SYT1: variants seen among roughly 807,000 people sequenced by gnomAD.
SYT1 encodes the protein synaptotagmin 1.
In SYT1, 8 loss-of-function variants were observed where a neutral mutation model predicts 44.8. The observed-to-expected ratio is 0.18, with a 90% CI of 0.10 to 0.32. SYT1 has a LOEUF of 0.32. SYT1 is among the 10% of genes least tolerant of loss of function. The pLI is 1.00. For synonymous variants in SYT1, 154 were observed against 188.8 expected, an observed-to-expected ratio of 0.82 and a Z score of 1.51; for missense variants, 286 against 509.3, an observed-to-expected ratio of 0.56 and a Z score of 4.22.
At chr12:79,112,347 T>G (rs569902029) in intron 3 of SYT1, among the ~76,000 whole-genome samples, 284 of 152,192 alleles carry the variant, frequency 1.9e-3, no homozygotes, top group African/African-American at 6.6e-3. Context: ...TGGGGCATGT[T>G]TTGGAGAGAG....
intron 2 of SYT1, among the ~76,000 whole-genome samples, chr12:79,042,165 T>C (rs1365546401): frequency 6.6e-6 from 1 of 151,630 alleles, no homozygotes; most frequent in Non-Finnish European, 1.5e-5. Flanking sequence ...GGATTCCCTC[T>C]TTTTCTATTG....
chr12:78,876,723 TATA>T (rs1333466741), intron 1 of SYT1, among the ~76,000 whole-genome samples: 2 of 113,600 alleles, frequency 1.8e-5, no homozygotes, highest in South Asian at 2.4e-4. Context: ...TATTATATAA[TATA>T]ATTATATATT....
intron 9 of SYT1, among the ~76,000 whole-genome samples, chr12:79,396,065 TTATC>T (rs1565940915): frequency 6.6e-6 from 1 of 152,146 alleles, no homozygotes; most frequent in Admixed American, 6.6e-5. Context: ...ACATACAAAA[TTATC>T]TATAACCATT....
intron 2 of SYT1, among the ~76,000 whole-genome samples, chr12:79,021,809 A>T (rs1395234180): frequency 6.6e-6 from 1 of 151,884 alleles, no homozygotes; most frequent in African/African-American, 2.4e-5. Context: ...GATTTTTCAA[A>T]GAATTGAATT....
chr12:79,078,706 C>A (rs565155837), intron 3 of SYT1, among the ~76,000 whole-genome samples: 7 of 152,152 alleles, frequency 4.6e-5, no homozygotes, highest in South Asian at 4.2e-4. Context: ...CTACCCACCC[C>A]CAAAAGGCCC....
intron 4 of SYT1, among the ~76,000 whole-genome samples, chr12:79,237,763 C>A (rs1006793844): frequency 6.6e-6 from 1 of 152,178 alleles, no homozygotes; most frequent in African/African-American, 2.4e-5. Flanking sequence ...CATCACCATT[C>A]CCATCATTTT....
At chr12:79,179,386 CGA>C (rs372752992) in intron 3 of SYT1, among the ~76,000 whole-genome samples, 1 of 59,394 alleles carries the variant, frequency 1.7e-5, no homozygotes, top group African/African-American at 5.4e-5. Context: ...ATAGATATAT[CGA>C]TATAGATATC....
intron 1 of SYT1, among the ~76,000 whole-genome samples, chr12:78,929,407 CCCAAAAAAAAAAAAAAAAAAAAAAAA>C (rs1877497999): frequency 6.8e-5 from 1 of 14,662 alleles, no homozygotes; most frequent in Admixed American, 8.8e-4. Flanking sequence ...GAGACTCCGT[CCCAAAAAAAAAAAAAAAAAAAAAAAA>C]AAAAAAAAAA....
chr12:79,099,379 A>G (rs373890191), intron 3 of SYT1, among the ~76,000 whole-genome samples: 1 of 152,166 alleles, frequency 6.6e-6, no homozygotes, highest in East Asian at 1.9e-4. Context: ...AAACAATGCA[A>G]TTTGGAATAA....
At chr12:79,137,183 C>T (rs1224148491) in intron 3 of SYT1, among the ~76,000 whole-genome samples, 1 of 152,088 alleles carries the variant, frequency 6.6e-6, no homozygotes, top group African/African-American at 2.4e-5. Context: ...GCAACCTCCA[C>T]CTCCCTGGTT....
chr12:79,190,210 A>G (rs1873030763), intron 3 of SYT1, among the ~76,000 whole-genome samples: 1 of 152,248 alleles, frequency 6.6e-6, no homozygotes, highest in South Asian at 2.1e-4. Flanking sequence ...AACATGATGC[A>G]TATATATTTT....
chr12:78,924,113 A>C (rs772168805), intron 1 of SYT1, among the ~76,000 whole-genome samples: 1 of 151,874 alleles, frequency 6.6e-6, no homozygotes, highest in African/African-American at 2.4e-5. Flanking sequence ...GATGAAATTT[A>C]TTCTATGCAC....
chr12:79,365,816 T>C (rs1419428170), intron 9 of SYT1, among the ~76,000 whole-genome samples: 1 of 112,900 alleles, frequency 8.9e-6, no homozygotes, highest in African/African-American at 4.5e-5. Flanking sequence ...CAGCCTAGAC[T>C]GATTGCAAAG....
chr12:79,416,544 C>T (rs1868752436), intron 9 of SYT1, among the ~76,000 whole-genome samples: 1 of 152,020 alleles, frequency 6.6e-6, no homozygotes, highest in South Asian at 2.1e-4. Context: ...AAATATGACT[C>T]AGAAAAATGC....
intron 3 of SYT1, among the ~76,000 whole-genome samples, chr12:79,077,008 A>G (rs1449798936): frequency 1.3e-5 from 2 of 152,106 alleles, no homozygotes; most frequent in African/African-American, 2.4e-5. Context: ...CTACTGTGTC[A>G]ATTACTGAGC....
intron 9 of SYT1, among the ~76,000 whole-genome samples, chr12:79,384,482 A>G (rs934655103): frequency 1.3e-5 from 2 of 152,196 alleles, no homozygotes; most frequent in African/African-American, 4.8e-5. Context: ...CTGTACCTGA[A>G]CTAGGTACAA....
At chr12:79,027,184 C>A (rs1052245864) in intron 2 of SYT1, among the ~76,000 whole-genome samples, 6 of 151,574 alleles carry the variant, frequency 4.0e-5, no homozygotes, top group Non-Finnish European at 7.4e-5. Context: ...CCTGGATCCT[C>A]AGCTGAATGT....
intron 1 of SYT1, among the ~76,000 whole-genome samples, chr12:78,918,790 T>C (rs1234256512): frequency 6.6e-6 from 1 of 152,080 alleles, no homozygotes; most frequent in Non-Finnish European, 1.5e-5. Flanking sequence ...GTACTGATTA[T>C]AGTACATCCA....
At chr12:79,372,784 C>T (rs560064731) in intron 9 of SYT1, among the ~76,000 whole-genome samples, 2 of 152,262 alleles carry the variant, frequency 1.3e-5, no homozygotes, top group Admixed American at 6.5e-5. Flanking sequence ...GGAAACCATA[C>T]CCACAACAGC....
Sources: gnomAD v4.1 joint callset for allele counts (sites outside exome capture counted in the v4.1 genomes callset) on GRCh38, gnomAD v4.1.1 for gene constraint, MANE v1.5 for transcripts, NCBI Gene and HGNC (gene_info 2026-07-23, HGNC 2026-07-21) for gene names.